DGAT2L6: variants seen among roughly 807,000 people sequenced by gnomAD.
The protein encoded by DGAT2L6 is diacylglycerol O-acyltransferase 2-like protein 6.
A neutral mutation model predicts 25.5 loss-of-function variants in DGAT2L6; 22 were observed. That is an observed-to-expected ratio of 0.86 (90% CI 0.62 to 1.23). DGAT2L6 has a LOEUF of 1.23. Ranked by LOEUF, DGAT2L6 falls within the 50% of genes most tolerant of loss-of-function variation. The pLI, the probability that DGAT2L6 is intolerant of heterozygous loss-of-function variation, is 0.00. For synonymous variants in DGAT2L6, 100 were observed against 94.7 expected (o/e 1.06, Z -0.32); for missense variants, 287 against 253.2 (o/e 1.13, Z -0.91).
Position 70,199,295 on chromosome X carries a change from C to G in DGAT2L6, c.110C>G (p.Pro37Arg). 8.4e-7 allele frequency: 1 copy of G among 1,189,671 alleles called. No homozygotes were observed. Among genetic ancestry groups the G allele is most frequent in the Non-Finnish European group, 1.1e-6 (1 of 882,716 alleles). ...FLGAIPILLI[P>R]YFLLFSKFWP... is the part of the protein sequence containing the mutation. ...GGAGCTATTCCCATTCTCCTTATAC[C>G]CTACTTTCTGTTATTCAGTAAGTTC... is the stretch of plus-strand genomic sequence containing the variant. Residue 37 changes from proline to arginine, a missense_variant, in exon 2 of 7, where the codon CCC becomes CGC. Physicochemically the swap from Pro to Arg is moderately radical, Grantham distance 103. Coordinates refer to ENST00000333026, the MANE Select transcript of DGAT2L6 (RefSeq NM_198512.3).
intron 1 of DGAT2L6, among the ~76,000 whole-genome samples, chrX:70,180,331 C>A (rs2085339606): frequency 9.0e-6 from 1 of 110,514 alleles, no homozygotes; most frequent in Admixed American, 9.7e-5. Flanking sequence ...TGCCTGTAGT[C>A]CTAGCTACTC....
chrX:70,180,554 G>C (rs1213872297), intron 1 of DGAT2L6, among the ~76,000 whole-genome samples: 1 of 111,260 alleles, frequency 9.0e-6, no homozygotes, highest in Non-Finnish European at 1.9e-5. Flanking sequence ...ACAATACCTA[G>C]AACATAAAAT....
intron 1 of DGAT2L6, among the ~76,000 whole-genome samples, chrX:70,182,060 C>T (rs2085344893): frequency 9.0e-6 from 1 of 111,426 alleles, no homozygotes. Context: ...TTCCTTCCTT[C>T]CTTCTATCTT....
rs138262705 is a variant in DGAT2L6 at position 70,202,048 on chromosome X, A to G, written c.631A>G (p.Met211Val). The G allele has an allele frequency of 3.3e-5, 39 of 1,193,165 alleles. 1 individual carries two copies. The highest frequency in any genetic ancestry group is 4.2e-5 in the Non-Finnish European group (37 of 887,451). ...CAAGCAGCGTAAAGGTTTTGTGAAG[A>G]TGGCACTGCAAACAGGGTGGGTTCC... ...FLKQRKGFVK[M>V]ALQTGAYLVP... Residue 211 changes from methionine to valine, a missense_variant, in exon 5 of 7, where the codon ATG (methionine) becomes GTG (valine). Transcript: ENST00000333026.
chrX:70,204,542 A>T, intron 6 of DGAT2L6, 26 bp downstream of exon 6: 1 of 1,197,927 alleles, frequency 8.3e-7, no homozygotes, highest in Non-Finnish European at 1.1e-6. Context: ...TCTCCGGATG[A>T]CCTGTTTCTT....
intron 1 of DGAT2L6, among the ~76,000 whole-genome samples, chrX:70,189,479 T>C (rs930425030): frequency 2.7e-5 from 3 of 111,951 alleles, no homozygotes; most frequent in Non-Finnish European, 5.7e-5. Flanking sequence ...AAATAAAAGA[T>C]CTAAATAATT....
At chrX:70,204,206 T>C in intron 5 of DGAT2L6, 99 bp from the exon 6 acceptor site, 1 of 665,647 alleles carries the variant, frequency 1.5e-6, no homozygotes, top group Non-Finnish European at 2.3e-6. Context: ...CTTGGGTTCT[T>C]GTCCTATAAT....
In DGAT2L6 at chrX:70,199,361, A is replaced by T; in HGVS notation, c.176A>T (p.Asp59Val). The change falls in exon 2 of 7, where the codon GAT becomes GTT. Residue 59 changes from aspartate (D) to valine (V), a missense_variant. By Grantham distance (152) the Asp-to-Val change is radical (BLOSUM62 -3). Coordinates refer to ENST00000333026, the MANE Select transcript of DGAT2L6 (RefSeq NM_198512.3). The part of the protein sequence containing the change: ...AVLSLAWLTY[D>V]WNTHSQGGRR... ...CTCTCCTTAGCCTGGCTCACCTATG[A>T]TTGGAACACCCACAGTCAAGGTAAG... 1 of 1,186,590 alleles carries T rather than the reference A, an allele frequency of 8.4e-7. No homozygotes were observed. Among genetic ancestry groups the T allele is most frequent in the Admixed American group, 2.3e-5 (1 of 42,769 alleles).
chrX:70,199,698 CAGA>C (rs1171231147), intron 2 of DGAT2L6, 111 bp from the exon 3 acceptor site: 2 of 670,882 alleles, frequency 3.0e-6, no homozygotes, highest in Non-Finnish European at 4.5e-6. Flanking sequence ...TCTGAGGTGT[CAGA>C]AGGAGGCCCC....
At chrX:70,177,759 G>A in intron 1 of DGAT2L6, 92 bp downstream of exon 1, 11 of 764,853 alleles carry the variant, frequency 1.4e-5, no homozygotes, top group Non-Finnish European at 1.8e-5. Context: ...GAGATCATCT[G>A]GGTGATCTCC....
At chrX:70,194,151 C>A (rs1189863576) in intron 1 of DGAT2L6, among the ~76,000 whole-genome samples, 3 of 111,296 alleles carry the variant, frequency 2.7e-5, no homozygotes, top group Non-Finnish European at 5.7e-5. Context: ...TTTACAATAT[C>A]ACTAAAAGGA....
At chrX:70,192,661 A>T (rs933059157) in intron 1 of DGAT2L6, among the ~76,000 whole-genome samples, 43 of 111,815 alleles carry the variant, frequency 3.8e-4, no homozygotes, top group African/African-American at 1.3e-3. Context: ...TTCTAAGGGG[A>T]AAGTTTATCA....
At chrX:70,201,785 G>A in intron 4 of DGAT2L6, 105 bp from the exon 5 acceptor site, 1 of 916,195 alleles carries the variant, frequency 1.1e-6, no homozygotes, top group Non-Finnish European at 1.5e-6. Context: ...AACAGCAATA[G>A]TCAGAAAACA....
Position 70,204,341 on chromosome X carries a change from C to T in DGAT2L6, c.684C>T (p.Asn228=), listed in dbSNP as rs375294743. The T allele has an allele frequency of 1.5e-4, 181 of 1,207,404 alleles. 1 individual carries two copies. The South Asian group carries it at 2.2e-3, about 15-fold the overall frequency. ...YLVPSYSFGE[N]EVFNQETFPE... Reference sequence around the variant, plus strand: ...TCCCTTCATATTCCTTTGGTGAGAACGAAGTTTTCAATCAGGAGACCTTCC... The same window carrying T: ...TCCCTTCATATTCCTTTGGTGAGAATGAAGTTTTCAATCAGGAGACCTTCC... The change falls in exon 6 of 7, where the codon AAC becomes AAT. Residue 228 remains asparagine, a synonymous_variant. Transcript: ENST00000333026.
At chrX:70,179,858 C>T (rs1466156068) in intron 1 of DGAT2L6, among the ~76,000 whole-genome samples, 7 of 110,608 alleles carry the variant, frequency 6.3e-5, no homozygotes, top group Non-Finnish European at 1.3e-4. Context: ...CGGCATGAGC[C>T]ACCGCGCCGG....
chrX:70,190,587 G>A (rs1199351263), intron 1 of DGAT2L6, among the ~76,000 whole-genome samples: 1 of 111,801 alleles, frequency 8.9e-6, no homozygotes, highest in African/African-American at 3.3e-5. Context: ...AGGCATCCAG[G>A]AGGAGTCACA....
intron 5 of DGAT2L6, 32 bp from the exon 6 acceptor site, chrX:70,204,271 CAG>C (rs1210427071): frequency 2.6e-6 from 3 of 1,140,051 alleles, no homozygotes; most frequent in Admixed American, 2.5e-5. Context: ...GGATCTTCCT[CAG>C]AGAGCTCACA....
chrX:70,180,561 A>C (rs1355397836), intron 1 of DGAT2L6, among the ~76,000 whole-genome samples: 1 of 111,953 alleles, frequency 8.9e-6, no homozygotes, highest in Non-Finnish European at 1.9e-5. Context: ...CTAGAACATA[A>C]AATTTACCGT....
rs144188551 is a variant in DGAT2L6, at chrX:70,199,292, T to C, written c.107T>C (p.Ile36Thr). The change falls in exon 2 of 7, where the codon ATA (isoleucine) becomes ACA (threonine). Residue 36 changes from isoleucine to threonine, a missense_variant. By Grantham distance (89) the Ile-to-Thr change is moderately conservative. Transcript: ENST00000333026. The stretch of plus-strand genomic sequence containing the variant: ...CCAGGAGCTATTCCCATTCTCCTTA[T>C]ACCCTACTTTCTGTTATTCAGTAAG... Reference protein sequence around the residue: ...IFLGAIPILLIPYFLLFSKFW... With the variant: ...IFLGAIPILLTPYFLLFSKFW... 1.7e-6 allele frequency: 2 copies of C among 1,187,399 alleles called. No homozygotes were observed. Among genetic ancestry groups the C allele is most frequent in the African/African-American group, 1.8e-5 (1 of 57,016 alleles).
Sources: allele counts gnomAD v4.1 joint callset (sites outside exome capture counted in the v4.1 genomes callset), GRCh38; gene constraint gnomAD v4.1.1; transcripts MANE v1.5; gene names NCBI Gene and HGNC (gene_info 2026-07-23, HGNC 2026-07-21).